Variants in CADPS observed in about 807,000 individuals in gnomAD.
The protein encoded by CADPS is calcium dependent secretion activator.
Under a neutral mutation model 167.3 loss-of-function variants are expected in CADPS, and 57 were observed. That is an observed-to-expected ratio of 0.34 (90% CI 0.28 to 0.42). The LOEUF is 0.42. CADPS is among the 20% of genes least tolerant of loss of function. CADPS has a pLI of 1.00. For synonymous variants in CADPS, 676 were observed against 635.3 expected, an observed-to-expected ratio of 1.06 and a Z score of -0.96; for missense variants, 1,414 against 1,738.1, an observed-to-expected ratio of 0.81 and a Z score of 3.32.
At chr3:62,576,091 C>T (rs757357740) in intron 8 of CADPS, among the ~76,000 whole-genome samples, 63 of 152,282 alleles carry the variant, frequency 4.1e-4, no homozygotes, top group Non-Finnish European at 8.2e-4. Context: ...CAGGTGGCTT[C>T]CCTCCTAGCT....
chr3:62,849,227 G>A (rs1256800156), intron 1 of CADPS, among the ~76,000 whole-genome samples: 2 of 148,880 alleles, frequency 1.3e-5, no homozygotes, highest in African/African-American at 4.9e-5. Flanking sequence ...TGCAAACAGA[G>A]ACAATTTGAC....
At chr3:62,431,293 C>T (rs2053890275) in intron 28 of CADPS, among the ~76,000 whole-genome samples, 1 of 152,134 alleles carries the variant, frequency 6.6e-6, no homozygotes, top group South Asian at 2.1e-4. Context: ...TTTACCCACC[C>T]AGCTCAGATA....
Position 62,820,948 on chromosome 3 carries a change from G to A in CADPS, c.441+53641C>T, listed in dbSNP as rs567210286. Among the ~76,000 whole-genome samples, 15 of 151,914 alleles carry A rather than the reference G, an allele frequency of 9.9e-5. No homozygotes were observed. In the South Asian group the frequency reaches 1.5e-3, roughly 15 times the overall value. ...CCTGAGTAGCTGGGACTACAGGCACGTGCCACCATGCCCAGCTAATTTTTG... is the reference window on the plus strand; with the variant it reads ...CCTGAGTAGCTGGGACTACAGGCACATGCCACCATGCCCAGCTAATTTTTG... On this transcript the variant is annotated intron_variant, in intron 1 of 29. Transcript: ENST00000383710.
chr3:62,588,127 A>G (rs529340414), intron 7 of CADPS, among the ~76,000 whole-genome samples: 1 of 152,276 alleles, frequency 6.6e-6, no homozygotes, highest in African/African-American at 2.4e-5. Context: ...GCACACAGGC[A>G]GGGCCTGCTA....
intron 10 of CADPS, among the ~76,000 whole-genome samples, chr3:62,555,576 T>C (rs1051526976): frequency 5.3e-5 from 8 of 152,222 alleles, no homozygotes; most frequent in Non-Finnish European, 8.8e-5. Flanking sequence ...GTAATGATCC[T>C]GGTCTTATCC....
intron 6 of CADPS, among the ~76,000 whole-genome samples, chr3:62,610,186 C>T (rs1018814408): frequency 5.3e-5 from 8 of 150,266 alleles, no homozygotes; most frequent in Admixed American, 1.3e-4. Context: ...TCTTTTTTTC[C>T]TTCCTTTCTT....
intron 24 of CADPS, 78 bp downstream of exon 24, chr3:62,474,095 G>T: frequency 1.9e-6 from 2 of 1,028,550 alleles, no homozygotes; most frequent in Non-Finnish European, 2.8e-6. Context: ...AGGGTAGATG[G>T]AAGGAATTTG....
chr3:62,703,708 A>T (rs1162385653), intron 3 of CADPS, among the ~76,000 whole-genome samples: 1 of 152,144 alleles, frequency 6.6e-6, no homozygotes, highest in Non-Finnish European at 1.5e-5. Flanking sequence ...GAGACCAGCA[A>T]AGGTCACATG....
chr3:62,527,633 G>A (rs2072629120), intron 13 of CADPS, among the ~76,000 whole-genome samples: 1 of 152,188 alleles, frequency 6.6e-6, no homozygotes, highest in Non-Finnish European at 1.5e-5. Flanking sequence ...CACGGAGATG[G>A]TGCACAAGTT....
chr3:62,859,616 A>AGTAC (rs2080384790), intron 1 of CADPS, among the ~76,000 whole-genome samples: 2 of 152,332 alleles, frequency 1.3e-5, no homozygotes, highest in African/African-American at 4.8e-5. Flanking sequence ...TAATAACAGC[A>AGTAC]GTACATAGGC....
intron 1 of CADPS, among the ~76,000 whole-genome samples, chr3:62,776,417 G>A (rs1191071214): frequency 4.6e-5 from 7 of 152,202 alleles, no homozygotes; most frequent in Non-Finnish European, 8.8e-5. Context: ...CACTTCGGCG[G>A]GCCGAAGCAG....
intron 6 of CADPS, among the ~76,000 whole-genome samples, chr3:62,594,112 C>A (rs1032291690): frequency 6.6e-6 from 1 of 151,116 alleles, no homozygotes; most frequent in Non-Finnish European, 1.5e-5. Flanking sequence ...CTTTAAAATG[C>A]TCATTATGAT....
intron 17 of CADPS, among the ~76,000 whole-genome samples, chr3:62,509,431 C>A (rs1457165184): frequency 6.6e-6 from 1 of 151,870 alleles, no homozygotes; most frequent in East Asian, 1.9e-4. Context: ...ATTATTGGTC[C>A]CTTGTGGAAG....
chr3:62,480,731 G>T (rs2061900956), intron 22 of CADPS, among the ~76,000 whole-genome samples: 1 of 152,182 alleles, frequency 6.6e-6, no homozygotes, highest in Non-Finnish European at 1.5e-5. Context: ...ATTCTTTCAA[G>T]AAAAAGCTTA....
At chr3:62,792,779 G>T (rs565643027) in intron 1 of CADPS, among the ~76,000 whole-genome samples, 1 of 151,644 alleles carries the variant, frequency 6.6e-6, no homozygotes, top group African/African-American at 2.4e-5. Context: ...TTTATTTTTT[G>T]TAGGGACAGG....
At chr3:62,816,113 C>T (rs375840389) in intron 1 of CADPS, among the ~76,000 whole-genome samples, 16 of 152,068 alleles carry the variant, frequency 1.1e-4, no homozygotes, top group Admixed American at 8.5e-4. Flanking sequence ...CTCTGACCTG[C>T]TCTTGCTATG....
intron 1 of CADPS, among the ~76,000 whole-genome samples, chr3:62,810,250 G>A (rs2094331708): frequency 2.6e-5 from 4 of 152,144 alleles, no homozygotes; most frequent in Admixed American, 2.0e-4. Context: ...AGGAGAACAT[G>A]GGCCTCAGTT....
intron 21 of CADPS, among the ~76,000 whole-genome samples, chr3:62,482,388 T>G (rs2062139601): frequency 6.6e-6 from 1 of 152,160 alleles, no homozygotes. Context: ...CACCTAATGG[T>G]GATGTACAGA....
At chr3:62,831,481 C>G (rs114880862) in intron 1 of CADPS, among the ~76,000 whole-genome samples, 3,550 of 152,210 alleles carry the variant, frequency 0.023, 66 homozygotes, top group South Asian at 0.054. Flanking sequence ...AGCACTAAAA[C>G]CTGGACTGCT....
Sources: gnomAD v4.1 joint callset for allele counts (sites outside exome capture counted in the v4.1 genomes callset) on GRCh38, gnomAD v4.1.1 for gene constraint, MANE v1.5 for transcripts, NCBI Gene and HGNC (gene_info 2026-07-23, HGNC 2026-07-21) for gene names.